GRID2: variants seen among roughly 807,000 people sequenced by gnomAD.
GRID2 encodes the protein glutamate receptor ionotropic, delta-2.
GRID2 carries 33 observed loss-of-function variants against 114.8 expected under a neutral mutation model. That is an observed-to-expected ratio of 0.29 (90% confidence interval 0.22 to 0.38). GRID2 has a LOEUF of 0.38. Among genes scored for constraint, GRID2 ranks in the 10% least tolerant of loss-of-function variants. GRID2 has a pLI of 1.00. For synonymous variants in GRID2, 505 were observed against 449.9 expected (o/e 1.12, Z -1.55); for missense variants, 1,184 against 1,257.7 (o/e 0.94, Z 0.89).
chr4:93,063,907 T>G (rs1728029006), intron 2 of GRID2, among the ~76,000 whole-genome samples: 1 of 151,422 alleles, frequency 6.6e-6, no homozygotes, highest in South Asian at 2.1e-4. Flanking sequence ...TACCGTGTAG[T>G]TTCTAAATAT....
chr4:92,640,451 A>T (rs1731288399), intron 2 of GRID2, among the ~76,000 whole-genome samples: 1 of 151,918 alleles, frequency 6.6e-6, no homozygotes, highest in African/African-American at 2.4e-5. Context: ...TGCATGAAAA[A>T]TTAACGTAAA....
chr4:93,540,579 T>C (rs1300767176), intron 13 of GRID2, among the ~76,000 whole-genome samples: 1 of 152,132 alleles, frequency 6.6e-6, no homozygotes, highest in Non-Finnish European at 1.5e-5. Flanking sequence ...AAAATAGGGT[T>C]ACAAATGGGA....
chr4:93,372,735 T>C (rs771049140), intron 8 of GRID2, among the ~76,000 whole-genome samples: 7 of 152,160 alleles, frequency 4.6e-5, no homozygotes, highest in South Asian at 2.1e-4. Context: ...TTTAATAGCA[T>C]TGGAATCAGA....
intron 2 of GRID2, among the ~76,000 whole-genome samples, chr4:92,682,827 T>C (rs1733714794): frequency 6.6e-6 from 1 of 152,142 alleles, no homozygotes. Flanking sequence ...CACTAAAATT[T>C]AGTAAACTTA....
chr4:92,668,468 G>A (rs184259893), intron 2 of GRID2, among the ~76,000 whole-genome samples: 1 of 151,760 alleles, frequency 6.6e-6, no homozygotes, highest in Non-Finnish European at 1.5e-5. Flanking sequence ...ACTCTAAGCT[G>A]AGAAGTAATA....
At chr4:92,611,644 A>G (rs966609610) in intron 2 of GRID2, among the ~76,000 whole-genome samples, 1 of 151,598 alleles carries the variant, frequency 6.6e-6, no homozygotes, top group Non-Finnish European at 1.5e-5. Flanking sequence ...GTAACTGGAC[A>G]GCTGTGTACT....
chr4:93,619,441 C>T (rs17356578), intron 13 of GRID2, among the ~76,000 whole-genome samples: 1,541 of 152,252 alleles, frequency 0.01, 12 homozygotes, highest in Non-Finnish European at 0.011. Context: ...TAACTCTTTG[C>T]GCCTGTGATT....
intron 14 of GRID2, among the ~76,000 whole-genome samples, chr4:93,652,784 TAAAAAAAAAAAAAA>T (rs200098114): frequency 2.3e-5 from 2 of 86,390 alleles, no homozygotes; most frequent in East Asian, 5.1e-4. Context: ...CAGTAAATGC[TAAAAAAAAAAAAAA>T]AAAAAAAAAA....
intron 2 of GRID2, among the ~76,000 whole-genome samples, chr4:92,664,745 C>A (rs1732684859): frequency 6.6e-6 from 1 of 151,154 alleles, no homozygotes; most frequent in African/African-American, 2.4e-5. Context: ...TACATATCTT[C>A]ATGCAGTGTT....
intron 2 of GRID2, among the ~76,000 whole-genome samples, chr4:92,992,738 C>G (rs1356148072): frequency 6.6e-6 from 1 of 152,126 alleles, no homozygotes; most frequent in Non-Finnish European, 1.5e-5. Flanking sequence ...CTTCCTGCCT[C>G]TCCTCTATAT....
chr4:92,946,867 G>C (rs986841449), intron 2 of GRID2, among the ~76,000 whole-genome samples: 1 of 151,978 alleles, frequency 6.6e-6, no homozygotes, highest in Non-Finnish European at 1.5e-5. Context: ...TTCCTATTAA[G>C]TTCCTAGGTA....
intron 4 of GRID2, among the ~76,000 whole-genome samples, chr4:93,133,444 A>ATTAC (rs1373012183): frequency 6.6e-6 from 1 of 152,190 alleles, no homozygotes; most frequent in African/African-American, 2.4e-5. Context: ...TGTTGAACTC[A>ATTAC]TTACTATCTT....
intron 1 of GRID2, among the ~76,000 whole-genome samples, chr4:93,787,056 G>T (rs920117619): frequency 6.6e-5 from 10 of 151,626 alleles, no homozygotes; most frequent in Non-Finnish European, 1.5e-4. Context: ...CAGAACCCAG[G>T]TTCCTTCTAT....
intron 2 of GRID2, among the ~76,000 whole-genome samples, chr4:92,955,954 C>T (rs539321889): frequency 4.6e-5 from 7 of 152,232 alleles, no homozygotes; most frequent in Middle Eastern, 6.8e-3. Flanking sequence ...CTCCTGACCT[C>T]GTGATCTGCC....
At chr4:92,338,128 T>C (rs1727281630) in intron 1 of GRID2, among the ~76,000 whole-genome samples, 1 of 152,106 alleles carries the variant, frequency 6.6e-6, no homozygotes, top group South Asian at 2.1e-4. Context: ...TTTTGATATA[T>C]ACTTCAGAGG....
At chr4:92,718,152 T>C (rs1735635418) in intron 2 of GRID2, among the ~76,000 whole-genome samples, 1 of 151,976 alleles carries the variant, frequency 6.6e-6, no homozygotes, top group African/African-American at 2.4e-5. Context: ...AAATACAATC[T>C]CATAAGGAAA....
intron 1 of GRID2, among the ~76,000 whole-genome samples, chr4:92,548,675 T>G (rs906245370): frequency 2.0e-5 from 3 of 151,284 alleles, no homozygotes; most frequent in Non-Finnish European, 4.4e-5. Context: ...ATTACAGGAG[T>G]GGCCACGACG....
intron 13 of GRID2, among the ~76,000 whole-genome samples, chr4:93,548,091 C>T (rs957884700): frequency 6.6e-6 from 1 of 151,988 alleles, no homozygotes; most frequent in African/African-American, 2.4e-5. Context: ...GCAGGAGAAT[C>T]ACTTCAACCC....
intron 7 of GRID2, among the ~76,000 whole-genome samples, chr4:93,238,047 A>G (rs1747009412): frequency 6.6e-6 from 1 of 151,832 alleles, no homozygotes; most frequent in Admixed American, 6.6e-5. Flanking sequence ...CATTCAAGTC[A>G]CAAGGTATGG....
Sources: allele counts gnomAD v4.1 joint callset (sites outside exome capture counted in the v4.1 genomes callset), GRCh38; gene constraint gnomAD v4.1.1; transcripts MANE v1.5; gene names NCBI Gene and HGNC (gene_info 2026-07-23, HGNC 2026-07-21).